TNXB: variants seen among roughly 807,000 people sequenced by gnomAD.
TNXB encodes tenascin-X.
In TNXB, 183 loss-of-function variants were observed where a neutral mutation model predicts 340.5. That is an observed-to-expected ratio of 0.54 (90% CI 0.48 to 0.61). The LOEUF is 0.61. Ranked by LOEUF, TNXB falls within the 20% of genes least tolerant of loss-of-function variation. The probability of loss-of-function intolerance (pLI) is 0.00; values close to 1 mark genes in which losing one functional copy is unlikely to be tolerated. For missense variants in TNXB, 4,613 were observed against 5,446.4 expected (o/e 0.85, Z 4.82); for synonymous variants, 2,121 against 2,314.5 (o/e 0.92, Z 2.40).
Position 32,049,164 on chromosome 6 carries a change from G to T in TNXB, c.9757+106C>A. 1 of 1,411,860 alleles carries T rather than the reference G, an allele frequency of 7.1e-7. No homozygotes were observed. Among genetic ancestry groups the T allele is most frequent in the Non-Finnish European group, 9.3e-7 (1 of 1,070,046 alleles). 87.5% of individuals were successfully genotyped at this position (1,411,860 alleles called of 1,614,324 possible). On this transcript the variant is annotated intron_variant, in intron 28 of 43. Coordinates refer to ENST00000644971, the MANE Select transcript of TNXB (RefSeq NM_001365276.2). This position sits in a 1 kb window ranked among gnomAD's most constrained non-coding sequence, Gnocchi z 4.5. The stretch of plus-strand genomic sequence containing the variant: ...GGATCATTAGCAACATGGGAGAAAA[G>T]ACAGAAACCTAGAGGCCCAGTCAAA...
In TNXB at chr6:32,042,623, G is replaced by A; in HGVS notation, c.12059-17C>T. ...GCAGCCCACCTGGGAGAGGAGAGCA[G>A]GGGCCAGTCCTTTTCCAAGCCTTAG... On this transcript the variant is annotated splice_polypyrimidine_tract_variant and intron_variant, in intron 39 of 43. Coordinates refer to ENST00000644971, the MANE Select transcript of TNXB (RefSeq NM_001365276.2). The A allele has an allele frequency of 6.5e-7, 1 of 1,530,406 alleles. No homozygotes were observed. Among genetic ancestry groups the A allele is most frequent in the Non-Finnish European group, 8.8e-7 (1 of 1,131,436 alleles). 94.8% of individuals were successfully genotyped at this position (1,530,406 alleles called of 1,614,324 possible).
intron 11 of TNXB, among the ~76,000 whole-genome samples, chr6:32,076,032 A>C (rs1277532934): frequency 6.6e-6 from 1 of 152,178 alleles, no homozygotes; most frequent in Non-Finnish European, 1.5e-5. Context: ...GAGGGAGCAG[A>C]GTGACCACCA....
At position 32,089,338 on chromosome 6, in the gene TNXB, G is replaced by C. The variant is rs3134958; in HGVS notation, c.2400C>G (p.Ser800Arg). ...CTCTCTGGTCATAGGCTGAGGCAGA[G>C]CTTGGAACCCGTGCTGTGAATGGGG... ...ASPPFTARVP[S>R]SASAYDQRGL... Residue 800 changes from serine to arginine, a missense_variant, in exon 5 of 44, where the codon AGC becomes AGG. By Grantham distance (110) the Ser-to-Arg change is moderately radical. Around this residue, in one of 7 missense-constraint regions of TNXB, gnomAD observed 4,327 missense variants for 4,859.4 expected, o/e 0.89. Coordinates refer to ENST00000644971, the MANE Select transcript of TNXB (RefSeq NM_001365276.2). This position sits in a 1 kb window ranked among gnomAD's most constrained non-coding sequence, Gnocchi z 6.2. The C allele has an allele frequency of 6.2e-7, 1 of 1,608,452 alleles. No homozygotes were observed. Among genetic ancestry groups the C allele is most frequent in the Admixed American group, 1.7e-5 (1 of 59,908 alleles).
chr6:32,052,873 G>C lies in TNXB; in HGVS notation c.8912C>G (p.Ser2971Cys). Residue 2971 changes from serine to cysteine, a missense_variant, in exon 26 of 44, where the codon TCC becomes TGC. Ser to Cys is a moderately radical substitution (Grantham distance 112, BLOSUM62 -1). Around this residue, in one of 7 missense-constraint regions of TNXB, gnomAD observed 4,327 missense variants for 4,859.4 expected, o/e 0.89. Coordinates refer to ENST00000644971, the MANE Select transcript of TNXB (RefSeq NM_001365276.2). The surrounding 1 kb of genome is among the most constrained non-coding windows in gnomAD (Gnocchi z 4.7). The stretch of plus-strand genomic sequence containing the variant: ...GAAGCGGCCCTGGGGGATGGTCCAG[G>C]AGAGGCTCAGCGAGTCAGGGGAGGA... ...TGSSPDSLSL[S>C]WTIPQGRFDS... The C allele has an allele frequency of 6.2e-7, 1 of 1,613,198 alleles. No homozygotes were observed.
Position 32,056,871 on chromosome 6 carries a change from T to A in TNXB, c.7858A>T (p.Thr2620Ser). Residue 2620 changes from threonine (T) to serine (S), a missense_variant, in exon 23 of 44, where the codon ACC becomes TCC. Coordinates refer to ENST00000644971, the MANE Select transcript of TNXB (RefSeq NM_001365276.2). Reference sequence around the variant, plus strand: ...TTGATGGGGGGCTCAGGGGTCATGGTAGGCACTGCTTGGGTGGTCTCGGCT... The same window carrying A: ...TTGATGGGGGGCTCAGGGGTCATGGAAGGCACTGCTTGGGTGGTCTCGGCT... ...DEAETTQAVP[T>S]MTPEPPIKPR... is the part of the protein sequence containing the mutation. 6.2e-7 allele frequency: 1 copy of A among 1,612,676 alleles called. No homozygotes were observed. The highest frequency in any genetic ancestry group is 8.5e-7 in the Non-Finnish European group (1 of 1,179,664).
In TNXB at chr6:32,087,157, G is replaced by T. The variant is rs13201435; in HGVS notation, c.2780-1039C>A. The T allele has an allele frequency of 9.6e-4, 419 of 436,614 alleles. No homozygotes were observed. Among genetic ancestry groups the T allele is most frequent in the Non-Finnish European group, 1.7e-3 (364 of 215,602 alleles). The allele number at this position is 436,614 out of a possible 1,614,324, so 27.0% of individuals were successfully genotyped here. On this transcript the variant is annotated intron_variant, in intron 6 of 43. Coordinates refer to ENST00000644971, the MANE Select transcript of TNXB (RefSeq NM_001365276.2). This position sits in a 1 kb window ranked among gnomAD's most constrained non-coding sequence, Gnocchi z 9.0. Reference sequence around the variant, plus strand: ...GGCCTGAAGGTAGAAGGGGGCAGTGGGGGGTGGCAGTGGGAGGAATTCATG... The same window carrying T: ...GGCCTGAAGGTAGAAGGGGGCAGTGTGGGGTGGCAGTGGGAGGAATTCATG...
chr6:32,081,598 C>T lies in TNXB; in HGVS notation c.3812G>A (p.Gly1271Asp). 6.2e-7 allele frequency: 1 copy of T among 1,601,960 alleles called. No homozygotes were observed. Among genetic ancestry groups the T allele is most frequent in the Non-Finnish European group, 8.5e-7 (1 of 1,175,010 alleles). Reference protein sequence around the residue: ...QPLLGELTVTGVTPDSLRLSW... With the variant: ...QPLLGELTVTDVTPDSLRLSW... ...GAGACGCAAGGAGTCTGGGGTCACG[C>T]CGGTCACTGTCAGTTCCCCCAGGAG... The change falls in exon 10 of 44, where the codon GGC becomes GAC. Residue 1271 changes from glycine to aspartate, a missense_variant. Physicochemically the swap from Gly to Asp is moderately conservative, Grantham distance 94 (BLOSUM62 -1). Transcript: ENST00000644971. The surrounding 1 kb of genome is among the most constrained non-coding windows in gnomAD (Gnocchi z 5.1).
At position 32,067,133 on chromosome 6, in the gene TNXB, A is replaced by G. The variant is rs1245725857; in HGVS notation, c.6544+528T>C. ...AGAAAGAGAAAGAAAGAAAGGAAGGAAGAAAGAAAGAAAGAAAGAAAGAAA... is the reference window on the plus strand; with the variant it reads ...AGAAAGAGAAAGAAAGAAAGGAAGGGAGAAAGAAAGAAAGAAAGAAAGAAA... On this transcript the variant is annotated intron_variant, in intron 18 of 43. Transcript: ENST00000644971. This position sits in a 1 kb window ranked among gnomAD's most constrained non-coding sequence, Gnocchi z 4.2. Among the ~76,000 whole-genome samples, 1 of 12,392 alleles carries G rather than the reference A, an allele frequency of 8.1e-5. No homozygotes were observed. Among genetic ancestry groups the G allele is most frequent in the South Asian group, 5.3e-3 (1 of 190 alleles). 8.1% of individuals were successfully genotyped at this position (12,392 alleles called of 152,430 possible).
Position 32,043,772 on chromosome 6 carries a change from G to A in TNXB, c.11507C>T (p.Pro3836Leu). Residue 3836 changes from proline (P) to leucine (L), a missense_variant, in exon 35 of 44, where the codon CCT becomes CTT. Physicochemically the swap from Pro to Leu is moderately conservative, Grantham distance 98. Transcript: ENST00000644971. ...ACCCGTGGTGAGGAAGCCTGTGAGA[G>A]GCTCACTCTCCTCAAAGCCTCGGAC... ...VSVRGFEESE[P>L]LTGFLTTVPD... The A allele has an allele frequency of 6.2e-7, 1 of 1,613,498 alleles. No individual in the cohort carries two copies. The highest frequency in any genetic ancestry group is 1.3e-5 in the African/African-American group (1 of 75,026).
chr6:32,062,615 T>C lies in TNXB; in HGVS notation c.6842-132A>G. On this transcript the variant is annotated intron_variant, in intron 19 of 43. Coordinates refer to ENST00000644971, the MANE Select transcript of TNXB (RefSeq NM_001365276.2). The surrounding 1 kb of genome is among the most constrained non-coding windows in gnomAD (Gnocchi z 4.3). ...TGCCCCAAGCTTAGAATATCATTTTTCTGCTTTGAATGTTCAGTTAACACC... is the reference window on the plus strand; with the variant it reads ...TGCCCCAAGCTTAGAATATCATTTTCCTGCTTTGAATGTTCAGTTAACACC... 2.2e-6 allele frequency: 2 copies of C among 916,764 alleles called. No individual in the cohort carries two copies. The highest frequency in any genetic ancestry group is 6.2e-4 in the Middle Eastern group (2 of 3,230). The allele number at this position is 916,764 out of a possible 1,614,324, so 56.8% of individuals were successfully genotyped here.
rs1435034292 is a variant in TNXB, at chr6:32,097,654, T to TC, written c.403+141dup. The TC allele has an allele frequency of 9.5e-6, 11 of 1,163,100 alleles. No homozygotes were observed. The highest frequency in any genetic ancestry group is 1.2e-5 in the Non-Finnish European group (10 of 851,450). 72.0% of individuals were successfully genotyped at this position (1,163,100 alleles called of 1,614,324 possible). On this transcript the variant is annotated intron_variant, in intron 2 of 43. Transcript: ENST00000644971. The surrounding 1 kb of genome is among the most constrained non-coding windows in gnomAD (Gnocchi z 5.9). ...GTTGACATGTAGCCCAGCTCTGCTC[T>TC]CCAAGTTGTGTTCTGGGCTGCATCC...
At position 32,046,527 on chromosome 6, in the gene TNXB, G is replaced by A; in HGVS notation, c.10325-71C>T. On this transcript the variant is annotated intron_variant, in intron 30 of 43. Transcript: ENST00000644971. The surrounding 1 kb of genome is among the most constrained non-coding windows in gnomAD (Gnocchi z 6.9). ...GCCTAAGCCCTGGCAGCCTCCCGGAGGTGTGAGGTTCTGGGAAATGGTCCC... is the reference window on the plus strand; with the variant it reads ...GCCTAAGCCCTGGCAGCCTCCCGGAAGTGTGAGGTTCTGGGAAATGGTCCC... The A allele has an allele frequency of 7.2e-7, 1 of 1,385,862 alleles. No homozygotes were observed. The allele number at this position is 1,385,862 out of a possible 1,614,324, so 85.8% of individuals were successfully genotyped here. A position where few individuals can be genotyped will look rare whatever the true frequency, so the allele number is the denominator to read the frequency against.
rs772978286 is a variant in TNXB at position 32,068,592 on chromosome 6, G to A, written c.6018C>T (p.Ser2006=). The A allele has an allele frequency of 6.2e-7, 1 of 1,613,988 alleles. No homozygotes were observed. Among genetic ancestry groups the A allele is most frequent in the Non-Finnish European group, 8.5e-7 (1 of 1,179,902 alleles). The change falls in exon 17 of 44, where the codon TCC becomes TCT. Residue 2006 remains serine (S), a synonymous_variant. Transcript: ENST00000644971. The surrounding 1 kb of genome is among the most constrained non-coding windows in gnomAD (Gnocchi z 5.3). ...CAAACTGTCCCTCGGGAACTGTCCAGGACAGGCTGAGGGAGTCAGGGGTGG... is the reference window on the plus strand; with the variant it reads ...CAAACTGTCCCTCGGGAACTGTCCAAGACAGGCTGAGGGAGTCAGGGGTGG... ...TDATPDSLSL[S]WTVPEGQFDH... is the part of the protein sequence containing the mutation.
At chr6:32,078,131 GAAAA>G (rs1179738215) in intron 11 of TNXB, among the ~76,000 whole-genome samples, 4 of 147,498 alleles carry the variant, frequency 2.7e-5, no homozygotes, top group Non-Finnish European at 4.5e-5. Context: ...AAGAAAGAAA[GAAAA>G]AGAGAGAAAG....
In TNXB at chr6:32,067,786, C is replaced by T. The variant is rs894895808; in HGVS notation, c.6419G>A (p.Arg2140His). ...GACTTCACTCTCCTCGCCCCCAACA[C>T]GCACCACCTGGGGCCGCCCGTCCCT... Reference protein sequence around the residue: ...KDRDGRPQVVRVGGEESEVTV... With the variant: ...KDRDGRPQVVHVGGEESEVTV... The change falls in exon 18 of 44, where the codon CGT becomes CAT. Residue 2140 changes from arginine (R) to histidine (H), a missense_variant. Coordinates refer to ENST00000644971, the MANE Select transcript of TNXB (RefSeq NM_001365276.2). This position sits in a 1 kb window ranked among gnomAD's most constrained non-coding sequence, Gnocchi z 4.2. 8.1e-6 allele frequency: 13 copies of T among 1,613,536 alleles called. No individual in the cohort carries two copies. The highest frequency in any genetic ancestry group is 1.3e-5 in the African/African-American group (1 of 74,898).
intron 4 of TNXB, among the ~76,000 whole-genome samples, chr6:32,092,812 A>G (rs956396780): frequency 4.6e-5 from 7 of 152,254 alleles, no homozygotes; most frequent in Non-Finnish European, 7.3e-5. Context: ...TGGGTAGCCC[A>G]GGCCCAAGAG....
At position 32,068,658 on chromosome 6, in the gene TNXB, G is replaced by A; in HGVS notation, c.5952C>T (p.Pro1984=). The A allele has an allele frequency of 6.2e-7, 1 of 1,613,962 alleles. No individual in the cohort carries two copies. Among genetic ancestry groups the A allele is most frequent in the Non-Finnish European group, 8.5e-7 (1 of 1,179,874 alleles). Reference sequence around the variant, plus strand: ...GCTCCCCCAGGCGAGGCTTGATGGGGGGCTCGGGGGTTGCGGTGGGAGGTT... The same window carrying A: ...GCTCCCCCAGGCGAGGCTTGATGGGAGGCTCGGGGGTTGCGGTGGGAGGTT... ...PSEPPTATPE[P]PIKPRLGELT... The change falls in exon 17 of 44, where the codon CCC becomes CCT. Residue 1984 remains proline (P), a synonymous_variant. Transcript: ENST00000644971. The surrounding 1 kb of genome is among the most constrained non-coding windows in gnomAD (Gnocchi z 5.3).
chr6:32,049,865 GAGTCCCAGC>G lies in TNXB; in HGVS notation c.9439+124_9439+132del. 1.4e-6 allele frequency: 2 copies of G among 1,414,524 alleles called. No individual in the cohort carries two copies. Among genetic ancestry groups the G allele is most frequent in the Admixed American group, 4.0e-5 (2 of 50,016 alleles). The allele number at this position is 1,414,524 out of a possible 1,614,324, so 87.6% of individuals were successfully genotyped here. A position where few individuals can be genotyped will look rare whatever the true frequency, so the allele number is the denominator to read the frequency against. On this transcript the variant is annotated intron_variant, in intron 27 of 43. Coordinates refer to ENST00000644971, the MANE Select transcript of TNXB (RefSeq NM_001365276.2). The surrounding 1 kb of genome is among the most constrained non-coding windows in gnomAD (Gnocchi z 4.5). ...TCAACCACATAGGAAGGCCCAAGGG[GAGTCCCAGC>G]CCCAGCCACAAGCAGTTCTGTGGTG...
Position 32,070,060 on chromosome 6 carries a change from C to T in TNXB, c.5278+67G>A. 1 of 1,468,202 alleles carries T rather than the reference C, an allele frequency of 6.8e-7. No homozygotes were observed. Among genetic ancestry groups the T allele is most frequent in the East Asian group, 2.4e-5 (1 of 42,430 alleles). The allele number at this position is 1,468,202 out of a possible 1,614,324, so 90.9% of individuals were successfully genotyped here. A position where few individuals can be genotyped will look rare whatever the true frequency, so the allele number is the denominator to read the frequency against. On this transcript the variant is annotated intron_variant, in intron 14 of 43. Coordinates refer to ENST00000644971, the MANE Select transcript of TNXB (RefSeq NM_001365276.2). This position sits in a 1 kb window ranked among gnomAD's most constrained non-coding sequence, Gnocchi z 6.0. The stretch of plus-strand genomic sequence containing the variant: ...GCCAAATAATGGTAATGGCAGCCAC[C>T]ACAAGTGACCGTCTGCTGCTTGGCC...
Sources: allele counts gnomAD v4.1 joint callset (sites outside exome capture counted in the v4.1 genomes callset), GRCh38; gene constraint gnomAD v4.1.1; regional missense constraint gnomAD v4.1.1; non-coding constraint Gnocchi (gnomAD v3.1); transcripts MANE v1.5; gene names NCBI Gene and HGNC (gene_info 2026-07-23, HGNC 2026-07-21).